Variants in CCDC102B observed in about 807,000 individuals in gnomAD.
The protein encoded by CCDC102B is coiled-coil domain containing 102B, also known as coiled-coil domain-containing protein 102B.
In CCDC102B, 75 loss-of-function variants were observed where a neutral mutation model predicts 57.4. The ratio of observed to expected loss-of-function variants is 1.31; its 90% CI spans 1.08 to 1.58. The LOEUF is 1.58. CCDC102B is among the 40% of genes most tolerant of loss of function. The pLI, the probability that CCDC102B is intolerant of heterozygous loss-of-function variation, is 0.00. For missense variants in CCDC102B, 636 were observed against 582.6 expected (o/e 1.09, Z -0.94); for synonymous variants, 206 against 201.9 (o/e 1.02, Z -0.17).
intron 6 of CCDC102B, among the ~76,000 whole-genome samples, chr18:68,919,667 ACTTTT>A (rs2041204956): frequency 6.6e-6 from 1 of 152,124 alleles, no homozygotes; most frequent in Non-Finnish European, 1.5e-5. Flanking sequence ...GCTACAAAAA[ACTTTT>A]CTTTATAAGT....
chr18:68,726,134 A>G (rs1453106273), intron 2 of CCDC102B, among the ~76,000 whole-genome samples: 2 of 152,206 alleles, frequency 1.3e-5, no homozygotes, highest in East Asian at 3.9e-4. Context: ...TCAAAAGTAT[A>G]CCATGGGGAT....
chr18:68,966,198 A>G (rs1164792082), intron 6 of CCDC102B, among the ~76,000 whole-genome samples: 1 of 152,004 alleles, frequency 6.6e-6, no homozygotes, highest in East Asian at 1.9e-4. Context: ...CCCATCTTCA[A>G]GTTTATGATT....
At chr18:68,890,239 T>G (rs1277591767) in intron 5 of CCDC102B, among the ~76,000 whole-genome samples, 1 of 152,114 alleles carries the variant, frequency 6.6e-6, no homozygotes, top group African/African-American at 2.4e-5. Flanking sequence ...TTTTTTCTGT[T>G]TCTGTTTTGT....
At chr18:68,760,241 TTAAAG>T in intron 2 of CCDC102B, among the ~76,000 whole-genome samples, 1 of 152,112 alleles carries the variant, frequency 6.6e-6, no homozygotes, top group South Asian at 2.1e-4. Context: ...CTGGCACAAA[TTAAAG>T]TAAAAATAAA....
chr18:68,966,841 C>T (rs778861479), intron 6 of CCDC102B, among the ~76,000 whole-genome samples: 3 of 152,066 alleles, frequency 2.0e-5, no homozygotes, highest in Non-Finnish European at 4.4e-5. Context: ...CCTCCCTCCT[C>T]CAGAGAGTTC....
At chr18:68,998,983 TATATATATATATATATAGAGAGAGAG>T (rs1484019906) in intron 6 of CCDC102B, among the ~76,000 whole-genome samples, 6 of 66,380 alleles carry the variant, frequency 9.0e-5, no homozygotes, top group African/African-American at 2.9e-4. Flanking sequence ...TATATATATA[TATATATATATATATATAGAGAGAGAG>T]AGAGAGAGAG....
intron 6 of CCDC102B, among the ~76,000 whole-genome samples, chr18:68,990,564 T>G (rs1045731070): frequency 3.9e-5 from 6 of 152,232 alleles, no homozygotes; most frequent in Non-Finnish European, 8.8e-5. Context: ...ATACAAGGTA[T>G]GCGTAAATAA....
At chr18:68,937,722 T>C (rs1490811133) in intron 6 of CCDC102B, among the ~76,000 whole-genome samples, 1 of 152,012 alleles carries the variant, frequency 6.6e-6, no homozygotes, top group Non-Finnish European at 1.5e-5. Flanking sequence ...CTACATTAGG[T>C]ATTTCTCCTA....
intron 1 of CCDC102B, among the ~76,000 whole-genome samples, chr18:68,814,243 C>G (rs1967361582): frequency 6.6e-6 from 1 of 151,934 alleles, no homozygotes; most frequent in African/African-American, 2.4e-5. Flanking sequence ...GAGGAATTTT[C>G]TAGCTGTGCA....
At chr18:68,855,794 A>G (rs955684200) in intron 4 of CCDC102B, among the ~76,000 whole-genome samples, 7 of 150,760 alleles carry the variant, frequency 4.6e-5, no homozygotes, top group African/African-American at 1.7e-4. Flanking sequence ...AACTCAATAA[A>G]GAACATATAC....
chr18:68,809,577 A>G (rs1192725967), intron 1 of CCDC102B, among the ~76,000 whole-genome samples: 1 of 146,518 alleles, frequency 6.8e-6, no homozygotes, highest in Non-Finnish European at 1.5e-5. Flanking sequence ...AAAACTTTCC[A>G]TTTAATAGCT....
chr18:68,739,831 T>A (rs146450380), intron 2 of CCDC102B, among the ~76,000 whole-genome samples: 5 of 152,298 alleles, frequency 3.3e-5, no homozygotes, highest in East Asian at 1.9e-4. Context: ...TCTGGAAATA[T>A]GAGATGGCCC....
chr18:68,959,615 A>G (rs1369091567), intron 6 of CCDC102B, among the ~76,000 whole-genome samples: 1 of 152,058 alleles, frequency 6.6e-6, no homozygotes, highest in East Asian at 1.9e-4. Context: ...GTGCCTCAGC[A>G]GGTCTAGAGA....
chr18:68,844,134 G>A (rs931583634), intron 3 of CCDC102B, among the ~76,000 whole-genome samples: 1 of 151,814 alleles, frequency 6.6e-6, no homozygotes, highest in Admixed American at 6.6e-5. Flanking sequence ...TATATTTAAG[G>A]AGGTAACTAT....
chr18:69,037,374 A>G (rs554298178), intron 7 of CCDC102B, among the ~76,000 whole-genome samples: 20 of 152,048 alleles, frequency 1.3e-4, no homozygotes, highest in Admixed American at 5.9e-4. Context: ...GAAAATGCTG[A>G]TTATAATTTA....
chr18:68,813,102 T>A (rs1285098911), intron 1 of CCDC102B, among the ~76,000 whole-genome samples: 2 of 152,100 alleles, frequency 1.3e-5, no homozygotes, highest in Admixed American at 6.5e-5. Context: ...GAGAATGGAC[T>A]TCCCCCTTGC....
chr18:68,804,169 G>A (rs1439294581), intron 1 of CCDC102B, among the ~76,000 whole-genome samples: 2 of 152,158 alleles, frequency 1.3e-5, no homozygotes, highest in African/African-American at 2.4e-5. Flanking sequence ...CAACAATGAT[G>A]TGCAATGAAG....
At chr18:68,937,213 G>A (rs977154824) in intron 6 of CCDC102B, among the ~76,000 whole-genome samples, 14 of 151,934 alleles carry the variant, frequency 9.2e-5, no homozygotes, top group Non-Finnish European at 1.3e-4. Context: ...TAGCACTTAG[G>A]AACATTAGAC....
intron 2 of CCDC102B, among the ~76,000 whole-genome samples, chr18:68,763,285 G>T (rs1334600587): frequency 6.6e-6 from 1 of 152,010 alleles, no homozygotes; most frequent in Non-Finnish European, 1.5e-5. Context: ...GATTACTTAT[G>T]TTAGTCACAG....
Sources: gnomAD v4.1 joint callset for allele counts (sites outside exome capture counted in the v4.1 genomes callset) on GRCh38, gnomAD v4.1.1 for gene constraint, MANE v1.5 for transcripts, NCBI Gene and HGNC (gene_info 2026-07-23, HGNC 2026-07-21) for gene names.